The following OTOGL variants were observed in gnomAD, a reference collection of about 807,000 sequenced individuals.
The protein encoded by OTOGL is otogelin like.
Under a neutral mutation model 318.5 loss-of-function variants are expected in OTOGL, and 285 were observed. The observed-to-expected ratio is 0.89, with a 90% CI of 0.81 to 0.99. The LOEUF is 0.99. OTOGL is among the 50% of genes least tolerant of loss of function. The pLI, the probability that OTOGL is intolerant of heterozygous loss-of-function variation, is 0.00. For synonymous variants in OTOGL, 987 were observed against 936.5 expected (o/e 1.05, Z -0.99); for missense variants, 2,899 against 2,845.6 (o/e 1.02, Z -0.43).
At chr12:80,293,240 T>G (rs1213179141) in intron 26 of OTOGL, among the ~76,000 whole-genome samples, 1 of 152,224 alleles carries the variant, frequency 6.6e-6, no homozygotes, top group Non-Finnish European at 1.5e-5. Context: ...AAAAATCTTT[T>G]ACTATCTCTT....
chr12:80,224,186 TC>T (rs1878613715), intron 7 of OTOGL, among the ~76,000 whole-genome samples: 1 of 152,178 alleles, frequency 6.6e-6, no homozygotes. Context: ...GAATAGGATG[TC>T]CTTTCCCCAC....
At chr12:80,148,827 T>G (rs556854968) in intron 1 of OTOGL, among the ~76,000 whole-genome samples, 8 of 152,342 alleles carry the variant, frequency 5.3e-5, no homozygotes, top group African/African-American at 9.6e-5. Context: ...CTGATACCCT[T>G]TCTTCCAGTT....
intron 26 of OTOGL, among the ~76,000 whole-genome samples, chr12:80,282,779 T>C (rs529627613): frequency 6.6e-6 from 1 of 152,018 alleles, no homozygotes; most frequent in Non-Finnish European, 1.5e-5. Context: ...AATCCTCACT[T>C]TCCTTGATAT....
At chr12:80,317,022 T>C (rs1887014858) in intron 32 of OTOGL, among the ~76,000 whole-genome samples, 1 of 152,188 alleles carries the variant, frequency 6.6e-6, no homozygotes, top group South Asian at 2.1e-4. Context: ...TCAAAGGTTA[T>C]TGCTGAGATT....
chr12:80,244,165 T>C (rs1486983573), intron 11 of OTOGL, among the ~76,000 whole-genome samples: 1 of 149,124 alleles, frequency 6.7e-6, no homozygotes, highest in African/African-American at 2.5e-5. Context: ...CTATTTTTTC[T>C]TTTTTTCTTT....
At chr12:80,142,014 T>C (rs1871978129) in intron 1 of OTOGL, among the ~76,000 whole-genome samples, 2 of 151,956 alleles carry the variant, frequency 1.3e-5, no homozygotes, top group Admixed American at 6.6e-5. Flanking sequence ...CAAGATAGGA[T>C]AGTCTGAGAT....
intron 29 of OTOGL, among the ~76,000 whole-genome samples, chr12:80,309,939 G>A (rs912786362): frequency 6.6e-6 from 1 of 152,114 alleles, no homozygotes; most frequent in African/African-American, 2.4e-5. Context: ...AAAAATAGAG[G>A]TTTGAGGATT....
rs1886081509 is a variant in OTOGL at position 80,305,918 on chromosome 12, G to A, written c.3333+223G>A. ...TATAGATGAAGAAATTGAGGCTCAG[G>A]GAGGTTAAATGAGTTGTCTAATATT... On this transcript the variant is annotated intron_variant, in intron 29 of 58. Transcript: ENST00000547103. Among the ~76,000 whole-genome samples the A allele has an allele frequency of 2.0e-5, 3 of 152,206 alleles. 1 individual carries two copies. In the South Asian group the frequency reaches 6.2e-4, roughly 32 times the overall value.
At chr12:80,204,134 C>A (rs944142253) in intron 1 of OTOGL, among the ~76,000 whole-genome samples, 3 of 152,094 alleles carry the variant, frequency 2.0e-5, no homozygotes, top group African/African-American at 7.2e-5. Context: ...AAAGGGGAAA[C>A]CTTTTTTGTG....
intron 1 of OTOGL, among the ~76,000 whole-genome samples, chr12:80,128,357 T>C (rs7302548): frequency 0.019 from 2,863 of 152,242 alleles, 79 homozygotes; most frequent in African/African-American, 0.063. Flanking sequence ...GAACAGTGGA[T>C]ATTGGTGAAC....
At chr12:80,115,124 A>C (rs1011224721) in intron 1 of OTOGL, among the ~76,000 whole-genome samples, 1 of 151,944 alleles carries the variant, frequency 6.6e-6, no homozygotes, top group Non-Finnish European at 1.5e-5. Context: ...TTCTCTGTCC[A>C]GTTTTGTTCC....
chr12:80,219,392 A>G (rs1280015859), intron 5 of OTOGL, among the ~76,000 whole-genome samples: 1 of 152,184 alleles, frequency 6.6e-6, no homozygotes, highest in Non-Finnish European at 1.5e-5. Flanking sequence ...GATTACAGGC[A>G]TGAGAGACCC....
In OTOGL at chr12:80,305,588, G is replaced by T; in HGVS notation, c.3226G>T (p.Gly1076Ter). ...TCTCTTACTTTAGAACAAGCTATCA[G>T]GATTGTGTGGAAACTTTGACAAATG... ...VGPQWKNKLS[G>*]LCGNFDKCTS... Residue 1076 changes from glycine to a stop codon, truncating the protein, a stop_gained, in exon 29 of 59, where the codon GGA (glycine) becomes TGA (stop). Coordinates refer to ENST00000547103, the MANE Select transcript of OTOGL (RefSeq NM_001378609.3). LOFTEE classifies it high-confidence loss of function. The T allele has an allele frequency of 1.3e-6, 2 of 1,563,222 alleles. No individual in the cohort carries two copies. The highest frequency in any genetic ancestry group is 8.6e-7 in the Non-Finnish European group (1 of 1,166,480).
chr12:80,110,312 C>T (rs1259471346), intron 1 of OTOGL, among the ~76,000 whole-genome samples: 1 of 152,110 alleles, frequency 6.6e-6, no homozygotes, highest in African/African-American at 2.4e-5. Flanking sequence ...CAGGCTCCGC[C>T]TGCCTTGGCC....
At chr12:80,273,441 G>C (rs1263788743) in intron 24 of OTOGL, among the ~76,000 whole-genome samples, 1 of 152,014 alleles carries the variant, frequency 6.6e-6, no homozygotes, top group Non-Finnish European at 1.5e-5. Flanking sequence ...GAATAGTATA[G>C]AGGAAAAGTC....
At chr12:80,139,411 A>G (rs1023854604) in intron 1 of OTOGL, among the ~76,000 whole-genome samples, 13 of 152,168 alleles carry the variant, frequency 8.5e-5, no homozygotes, top group Non-Finnish European at 1.3e-4. Context: ...GGTTTCTCCC[A>G]GTTACAACGT....
At chr12:80,363,807 A>G (rs1212161832) in intron 52 of OTOGL, among the ~76,000 whole-genome samples, 1 of 152,094 alleles carries the variant, frequency 6.6e-6, no homozygotes, top group African/African-American at 2.4e-5. Context: ...CTTTCCTCCT[A>G]TGGGATTTTA....
chr12:80,263,140 A>G (rs1565939256), intron 19 of OTOGL, among the ~76,000 whole-genome samples: 1 of 151,964 alleles, frequency 6.6e-6, no homozygotes, highest in Non-Finnish European at 1.5e-5. Context: ...CTCTTTGATC[A>G]TTTTTCTTAT....
At chr12:80,353,653 T>A (rs1164047203) in intron 46 of OTOGL, 143 bp downstream of exon 46, 1 of 683,436 alleles carries the variant, frequency 1.5e-6, no homozygotes, top group African/African-American at 1.8e-5. Context: ...GTAGTTTGAT[T>A]TTAATATGAT....
Sources: gnomAD v4.1 joint callset for allele counts (sites outside exome capture counted in the v4.1 genomes callset) on GRCh38, gnomAD v4.1.1 for gene constraint, MANE v1.5 for transcripts, NCBI Gene and HGNC (gene_info 2026-07-23, HGNC 2026-07-21) for gene names.